The following CPQ variants were observed in gnomAD, a reference collection of about 807,000 sequenced individuals.
CPQ encodes Ser-Met dipeptidase.
In CPQ, 37 loss-of-function variants were observed where a neutral mutation model predicts 45.7. The observed-to-expected ratio is 0.81, with a 90% CI of 0.62 to 1.07. CPQ has a LOEUF of 1.07. Among genes scored for constraint, CPQ ranks in the 50% least tolerant of loss-of-function variants. The pLI, the probability that CPQ is intolerant of heterozygous loss-of-function variation, is 0.00. For missense variants in CPQ, 537 were observed against 572.9 expected (o/e 0.94, Z 0.64); for synonymous variants, 186 against 205.8 (o/e 0.90, Z 0.82).
intron 5 of CPQ, among the ~76,000 whole-genome samples, chr8:97,027,713 A>C (rs563913892): frequency 6.6e-6 from 1 of 152,320 alleles, no homozygotes; most frequent in Admixed American, 6.5e-5. Context: ...TAATCAAGAC[A>C]CTAAGCTTTG....
At chr8:96,980,700 C>T (rs1365498295) in intron 5 of CPQ, among the ~76,000 whole-genome samples, 1 of 152,096 alleles carries the variant, frequency 6.6e-6, no homozygotes, top group African/African-American at 2.4e-5. Flanking sequence ...CAGGGGAATC[C>T]TCACAGTGAG....
intron 1 of CPQ, among the ~76,000 whole-genome samples, chr8:96,751,035 C>T (rs577539726): frequency 6.6e-6 from 1 of 152,128 alleles, no homozygotes; most frequent in African/African-American, 2.4e-5. Context: ...CCAGTCTATC[C>T]TGGATGGTCA....
At chr8:97,077,629 A>G (rs1157487514) in intron 7 of CPQ, among the ~76,000 whole-genome samples, 1 of 152,244 alleles carries the variant, frequency 6.6e-6, no homozygotes, top group African/African-American at 2.4e-5. Context: ...AAATGCTAAA[A>G]TAAACTAGCA....
intron 4 of CPQ, among the ~76,000 whole-genome samples, chr8:96,889,648 T>C (rs1214445114): frequency 6.6e-6 from 1 of 151,974 alleles, no homozygotes; most frequent in Non-Finnish European, 1.5e-5. Context: ...ACCTCAAAAG[T>C]AGGGAAGCTG....
At chr8:96,770,892 G>A (rs1293745319) in intron 1 of CPQ, among the ~76,000 whole-genome samples, 1 of 148,698 alleles carries the variant, frequency 6.7e-6, no homozygotes, top group African/African-American at 2.4e-5. Context: ...GAGGAGAAGT[G>A]GATGTACATT....
intron 4 of CPQ, among the ~76,000 whole-genome samples, chr8:96,927,094 C>T (rs1348539888): frequency 6.6e-6 from 1 of 152,184 alleles, no homozygotes; most frequent in Non-Finnish European, 1.5e-5. Context: ...GTTGTGAAAT[C>T]TTTCCTTGAA....
chr8:96,940,525 C>G (rs1177490460), intron 4 of CPQ, among the ~76,000 whole-genome samples: 1 of 152,118 alleles, frequency 6.6e-6, no homozygotes, highest in African/African-American at 2.4e-5. Context: ...TTCACTAAAA[C>G]CCAGTGGAGA....
chr8:97,045,952 A>C (rs141253352), intron 6 of CPQ, among the ~76,000 whole-genome samples: 244 of 152,322 alleles, frequency 1.6e-3, no homozygotes, highest in African/African-American at 5.6e-3. Flanking sequence ...GGCAATACCC[A>C]AACTATGTTA....
chr8:96,841,833 A>T (rs1177369864), intron 3 of CPQ, among the ~76,000 whole-genome samples: 1 of 152,196 alleles, frequency 6.6e-6, no homozygotes, highest in Non-Finnish European at 1.5e-5. Flanking sequence ...GGAGTGTCAG[A>T]GAGGGAGAAT....
intron 1 of CPQ, among the ~76,000 whole-genome samples, chr8:96,699,627 C>G (rs1255008048): frequency 6.6e-6 from 1 of 151,922 alleles, no homozygotes; most frequent in African/African-American, 2.4e-5. Flanking sequence ...TATGTACCCA[C>G]AAAAATTAAA....
intron 1 of CPQ, among the ~76,000 whole-genome samples, chr8:96,652,799 A>T (rs1247827285): frequency 6.6e-6 from 1 of 151,608 alleles, no homozygotes; most frequent in Non-Finnish European, 1.5e-5. Context: ...TGCCCGGCTA[A>T]TTTTTTTTGT....
chr8:96,824,295 G>T (rs562135908), intron 2 of CPQ, among the ~76,000 whole-genome samples: 1 of 151,936 alleles, frequency 6.6e-6, no homozygotes, highest in African/African-American at 2.4e-5. Flanking sequence ...TATATTTACC[G>T]ATGGGTGGCA....
chr8:96,767,805 G>C (rs1459441802), intron 1 of CPQ, among the ~76,000 whole-genome samples: 1 of 151,712 alleles, frequency 6.6e-6, no homozygotes, highest in Admixed American at 6.6e-5. Context: ...CACCATGCTC[G>C]GCTAATTTAT....
At chr8:97,073,385 A>G (rs541389440) in intron 7 of CPQ, among the ~76,000 whole-genome samples, 1 of 152,216 alleles carries the variant, frequency 6.6e-6, no homozygotes, top group African/African-American at 2.4e-5. Context: ...GCGTTTTCCA[A>G]TCACCAGATG....
intron 7 of CPQ, among the ~76,000 whole-genome samples, chr8:97,099,350 C>A (rs548958067): frequency 6.6e-6 from 1 of 151,642 alleles, no homozygotes; most frequent in Non-Finnish European, 1.5e-5. Flanking sequence ...AGGCTGGTCT[C>A]GAACTCCTGA....
intron 7 of CPQ, among the ~76,000 whole-genome samples, chr8:97,096,949 G>A (rs1238909230): frequency 1.3e-5 from 2 of 152,192 alleles, no homozygotes; most frequent in Non-Finnish European, 2.9e-5. Context: ...GCAATGTGTT[G>A]AGTCTTTTGA....
intron 2 of CPQ, among the ~76,000 whole-genome samples, chr8:96,807,264 C>T (rs1811091581): frequency 6.6e-6 from 1 of 151,856 alleles, no homozygotes; most frequent in South Asian, 2.1e-4. Flanking sequence ...GAGACGGAGT[C>T]TCGCTCTGTC....
chr8:96,837,611 C>A (rs552779623), intron 3 of CPQ, among the ~76,000 whole-genome samples: 1 of 152,182 alleles, frequency 6.6e-6, no homozygotes, highest in Middle Eastern at 3.4e-3. Flanking sequence ...CCTATGAATG[C>A]GGTTCATACT....
intron 7 of CPQ, chr8:97,092,782 A>G (rs776824064): frequency 1.5e-4 from 23 of 152,176 alleles, no homozygotes; most frequent in Admixed American, 7.2e-4. Context: ...CATGATGAAG[A>G]CTCCAAAAGC....
Sources: gnomAD v4.1 joint callset for allele counts (sites outside exome capture counted in the v4.1 genomes callset) on GRCh38, gnomAD v4.1.1 for gene constraint, MANE v1.5 for transcripts, NCBI Gene and HGNC (gene_info 2026-07-23, HGNC 2026-07-21) for gene names.